Variants in CPLANE1 observed in about 807,000 individuals in gnomAD.
The protein encoded by CPLANE1 is ciliogenesis and planar polarity effector 1.
In CPLANE1, 263 loss-of-function variants were observed where a neutral mutation model predicts 362.5. The ratio of observed to expected loss-of-function variants is 0.73; its 90% CI spans 0.66 to 0.80. The LOEUF (loss-of-function observed/expected upper bound fraction) is 0.80. CPLANE1 is among the 30% of genes least tolerant of loss of function. The pLI is 0.00. For synonymous variants in CPLANE1, 1,212 were observed against 1,302.6 expected, an observed-to-expected ratio of 0.93 and a Z score of 1.50; for missense variants, 3,461 against 3,793.4, an observed-to-expected ratio of 0.91 and a Z score of 2.30.
At chr5:37,076,698 A>C in the CPLANE1 span, among the ~76,000 whole-genome samples, 4 of 152,026 alleles carry the variant, frequency 2.6e-5, no homozygotes, top group Non-Finnish European at 2.9e-5. Context: ...GTGAGAATAG[A>C]GTTCCCTTTG....
In CPLANE1 at chr5:37,211,905, G is replaced by A. The variant is rs758515378; in HGVS notation, c.2920+1654C>T. Reference sequence around the variant, plus strand: ...TGAAATGGATGGGCCCTCTCCTGCCGGGGATATGCTTCATATGGGCGCAGC... The same window carrying A: ...TGAAATGGATGGGCCCTCTCCTGCCAGGGATATGCTTCATATGGGCGCAGC... On this transcript the variant is annotated intron_variant, in intron 16 of 52. Coordinates refer to ENST00000651892, the MANE Select transcript of CPLANE1 (RefSeq NM_001384732.1). 1.3e-4 allele frequency: 103 copies of A among 790,276 alleles called. No individual in the cohort carries two copies. In the Middle Eastern group the frequency reaches 1.5e-3, roughly 11 times the overall value. 49.0% of individuals were successfully genotyped at this position (790,276 alleles called of 1,614,324 possible).
Position 37,227,861 on chromosome 5 carries a change from T to A in CPLANE1, c.1122-44A>T, listed in dbSNP as rs146680758. ...AATACAAGAATCAGTAAGAGAAAGA[T>A]CTTACGGAAAACAATAATGTTTTTC... On this transcript the variant is annotated intron_variant, in intron 9 of 52. Coordinates refer to ENST00000651892, the MANE Select transcript of CPLANE1 (RefSeq NM_001384732.1). The A allele has an allele frequency of 1.8e-3, 2,674 of 1,483,862 alleles. 44 individuals are homozygous for A. In the African/African-American group the frequency reaches 0.034, roughly 19 times the overall value. 91.9% of individuals were successfully genotyped at this position (1,483,862 alleles called of 1,614,324 possible). A position where few individuals can be genotyped will look rare whatever the true frequency, so the allele number is the denominator to read the frequency against.
chr5:37,184,095 GTTTC>G (rs1292628104), intron 25 of CPLANE1, among the ~76,000 whole-genome samples: 3 of 152,140 alleles, frequency 2.0e-5, no homozygotes, highest in Non-Finnish European at 4.4e-5. Flanking sequence ...AGGATTTCTT[GTTTC>G]TCTCTTGCAT....
At position 37,227,406 on chromosome 5, in the gene CPLANE1, G is replaced by A; in HGVS notation, c.1372-14C>T. ...TTTGCCTTTTGGCTAAAGAAGAAAA[G>A]ATGAAAGATTTCCAAGAGCAAAATG... On this transcript the variant is annotated splice_polypyrimidine_tract_variant and intron_variant, in intron 10 of 52. Transcript: ENST00000651892. The A allele has an allele frequency of 4.6e-6, 7 of 1,515,556 alleles. No homozygotes were observed. Among genetic ancestry groups the A allele is most frequent in the Non-Finnish European group, 6.2e-6 (7 of 1,132,332 alleles). 93.9% of individuals were successfully genotyped at this position (1,515,556 alleles called of 1,614,324 possible). A position where few individuals can be genotyped will look rare whatever the true frequency, so the allele number is the denominator to read the frequency against.
intron 14 of CPLANE1, among the ~76,000 whole-genome samples, chr5:37,222,157 A>T (rs571171765): frequency 6.6e-6 from 1 of 152,250 alleles, no homozygotes; most frequent in Non-Finnish European, 1.5e-5. Context: ...TACCAATCTT[A>T]TTTGGGGATA....
intron 50 of CPLANE1, among the ~76,000 whole-genome samples, chr5:37,118,785 C>T (rs949257143): frequency 6.6e-6 from 1 of 151,530 alleles, no homozygotes; most frequent in Non-Finnish European, 1.5e-5. Context: ...GCGATCTCAG[C>T]TCACTGCAAC....
rs955838792 is a variant in CPLANE1 at position 37,243,120 on chromosome 5, C to T, written c.571-1G>A. Reference sequence around the variant, plus strand: ...AACACAGGCAGCAGTCTCCAAATAACTGTAGATAAATTTAATATACTTTAG... The same window carrying T: ...AACACAGGCAGCAGTCTCCAAATAATTGTAGATAAATTTAATATACTTTAG... On this transcript the variant is annotated splice_acceptor_variant, in intron 5 of 52. Transcript: ENST00000651892. LOFTEE classifies it high-confidence loss of function. The T allele has an allele frequency of 6.7e-7, 1 of 1,498,756 alleles. No homozygotes were observed. The allele number at this position is 1,498,756 out of a possible 1,614,324, so 92.8% of individuals were successfully genotyped here.
downstream of CPLANE1, among the ~76,000 whole-genome samples, chr5:37,103,531 T>C (rs1387838230): frequency 2.0e-5 from 3 of 152,216 alleles, no homozygotes; most frequent in Non-Finnish European, 4.4e-5. Context: ...CATCAGGTAC[T>C]TCCTTCAGGA....
intron 46 of CPLANE1, among the ~76,000 whole-genome samples, chr5:37,131,812 G>A (rs777954944): frequency 6.6e-6 from 1 of 151,896 alleles, no homozygotes; most frequent in Admixed American, 6.6e-5. Flanking sequence ...TTATAGGCGT[G>A]AGCCACCGCG....
At position 37,205,886 on chromosome 5, in the gene CPLANE1, ATGTT is replaced by A. The variant is rs796105837; in HGVS notation, c.3149+307_3149+310del. The stretch of plus-strand genomic sequence containing the variant: ...GATCATCGCCCCTGGCTATTAATAA[ATGTT>A]TTAACACAAATAAGTAAGCCACTGA... On this transcript the variant is annotated intron_variant, in intron 17 of 52. Transcript: ENST00000651892. Among the ~76,000 whole-genome samples, 25 of 152,310 alleles carry A rather than the reference ATGTT, an allele frequency of 1.6e-4. No individual in the cohort carries two copies. In the South Asian group the frequency reaches 5.0e-3, roughly 30 times the overall value.
Position 37,183,478 on chromosome 5 carries a change from T to A in CPLANE1, c.4703A>T (p.Tyr1568Phe). 3 of 1,613,320 alleles carry A rather than the reference T, an allele frequency of 1.9e-6. No individual in the cohort carries two copies. The highest frequency in any genetic ancestry group is 2.5e-6 in the Non-Finnish European group (3 of 1,179,338). The change falls in exon 26 of 53, where the codon TAT becomes TTT. Residue 1568 changes from tyrosine to phenylalanine, a missense_variant. Physicochemically the swap from Tyr to Phe is conservative, Grantham distance 22. This residue lies in a region of CPLANE1 where 3,380 missense variants were observed against 3,666.1 expected (regional missense o/e 0.92). Transcript: ENST00000651892. ...LSYILERDLP[Y>F]SRDADIPFLT... Reference sequence around the variant, plus strand: ...AAATGGAATGTCAGCATCCCTGGAATAAGGTAGGTCTCTTTCAAGAATGTA... The same window carrying A: ...AAATGGAATGTCAGCATCCCTGGAAAAAGGTAGGTCTCTTTCAAGAATGTA...
In CPLANE1 at chr5:37,159,759, A is replaced by C. The variant is rs574810521; in HGVS notation, c.7691-1414T>G. On this transcript the variant is annotated intron_variant, in intron 38 of 52. Coordinates refer to ENST00000651892, the MANE Select transcript of CPLANE1 (RefSeq NM_001384732.1). Reference sequence around the variant, plus strand: ...ATACTGAAATCATTCCCTCTCTCTTAATTGATTGGTTTAACCGCTTTTTTA... The same window carrying C: ...ATACTGAAATCATTCCCTCTCTCTTCATTGATTGGTTTAACCGCTTTTTTA... 2.0e-5 allele frequency among the ~76,000 whole-genome samples: 3 copies of C among 152,334 alleles called. No homozygotes were observed. The South Asian group carries it at 6.2e-4, about 32-fold the overall frequency.
intron 46 of CPLANE1, among the ~76,000 whole-genome samples, chr5:37,127,790 A>T (rs1022557183): frequency 1.3e-5 from 2 of 151,998 alleles, no homozygotes; most frequent in Admixed American, 1.3e-4. Context: ...TGCTGGGATT[A>T]TAGGCATGAG....
intron 30 of CPLANE1, chr5:37,176,230 T>C (rs760722535): frequency 2.8e-6 from 1 of 351,932 alleles, no homozygotes; most frequent in South Asian, 6.1e-5. Flanking sequence ...TGCTCAGCAA[T>C]GAAAACAACA....
Position 37,114,989 on chromosome 5 carries a change from G to A in CPLANE1, c.9371C>T (p.Ala3124Val), listed in dbSNP as rs372396805. 12 of 1,610,966 alleles carry A rather than the reference G, an allele frequency of 7.4e-6. No individual in the cohort carries two copies. In the African/African-American group the frequency reaches 1.6e-4, roughly 22 times the overall value. The stretch of plus-strand genomic sequence containing the variant: ...TTGGAAGGTAACTGGAGACTGCGTA[G>A]CCTTTCTTACTGCTGCTTTGGCTCC... ...AGGAKAAVRK[A>V]TQSPVTFQKG... The change falls in exon 51 of 53, where the codon GCT (alanine) becomes GTT (valine). Residue 3124 changes from alanine to valine, a missense_variant. Ala to Val is a moderately conservative substitution (Grantham distance 64). Transcript: ENST00000651892.
chr5:37,088,467 T>A, the CPLANE1 span, among the ~76,000 whole-genome samples: 8 of 152,140 alleles, frequency 5.3e-5, no homozygotes, highest in African/African-American at 1.7e-4. Context: ...GAAGAGGGAA[T>A]GCTCCCATAG....
intron 26 of CPLANE1, among the ~76,000 whole-genome samples, chr5:37,181,364 T>C (rs1782614202): frequency 6.6e-6 from 1 of 152,222 alleles, no homozygotes; most frequent in African/African-American, 2.4e-5. Flanking sequence ...CAAAATGACA[T>C]AGTAGACAAA....
chr5:37,099,462 AG>A, the CPLANE1 span, among the ~76,000 whole-genome samples: 1 of 152,192 alleles, frequency 6.6e-6, no homozygotes, highest in Non-Finnish European at 1.5e-5. Context: ...GTTCCTGCAA[AG>A]GACATGATCT....
rs996123916 is a variant in CPLANE1, at chr5:37,164,367, A to G, written c.7534-40T>C. On this transcript the variant is annotated intron_variant, in intron 36 of 52. Coordinates refer to ENST00000651892, the MANE Select transcript of CPLANE1 (RefSeq NM_001384732.1). Reference sequence around the variant, plus strand: ...ACAGGATTACTCTATGATTAACTCAAAGATGTGTATTATTTTTGAAAAAAA... The same window carrying G: ...ACAGGATTACTCTATGATTAACTCAGAGATGTGTATTATTTTTGAAAAAAA... The G allele has an allele frequency of 5.4e-6, 8 of 1,487,094 alleles. No homozygotes were observed. In the East Asian group the frequency reaches 6.8e-5, roughly 13 times the overall value. The allele number at this position is 1,487,094 out of a possible 1,614,324, so 92.1% of individuals were successfully genotyped here.
Sources: gnomAD v4.1 joint callset for allele counts (sites outside exome capture counted in the v4.1 genomes callset) on GRCh38, gnomAD v4.1.1 for gene constraint, gnomAD v4.1.1 regional missense constraint, MANE v1.5 for transcripts, NCBI Gene and HGNC (gene_info 2026-07-23, HGNC 2026-07-21) for gene names.